The following MRTFA variants were observed in gnomAD, a reference collection of about 807,000 sequenced individuals.
The protein encoded by MRTFA is myocardin-related transcription factor A.
MRTFA carries 20 observed loss-of-function variants against 83.5 expected under a neutral mutation model. The ratio of observed to expected loss-of-function variants is 0.24; its 90% confidence interval spans 0.17 to 0.35. The LOEUF (loss-of-function observed/expected upper bound fraction) is 0.35, where lower values mean the gene tolerates loss of function less well. Among genes scored for constraint, MRTFA ranks in the 10% least tolerant of loss-of-function variants. The pLI is 1.00. For synonymous variants in MRTFA, 659 were observed against 541.2 expected, an observed-to-expected ratio of 1.22 and a Z score of -3.02; for missense variants, 1,200 against 1,224.7, an observed-to-expected ratio of 0.98 and a Z score of 0.30.
At chr22:40,615,076 C>T (rs181381758) in intron 1 of MRTFA, among the ~76,000 whole-genome samples, 1 of 151,932 alleles carries the variant, frequency 6.6e-6, no homozygotes, top group East Asian at 1.9e-4. Context: ...ATGTCAAGGT[C>T]TCAAAGATTT....
chr22:40,448,936 C>T (rs769257727), intron 4 of MRTFA, among the ~76,000 whole-genome samples: 1 of 152,178 alleles, frequency 6.6e-6, no homozygotes, highest in Non-Finnish European at 1.5e-5. Flanking sequence ...ACCCAGTCAT[C>T]TTATATGCAA....
chr22:40,472,339 T>A (rs771724515), intron 3 of MRTFA, among the ~76,000 whole-genome samples: 11 of 152,370 alleles, frequency 7.2e-5, no homozygotes, highest in Non-Finnish European at 1.5e-4. Flanking sequence ...TCCACCCATG[T>A]TCGTGATGCC....
chr22:40,635,569 C>A (rs966647819), intron 1 of MRTFA, among the ~76,000 whole-genome samples: 1 of 152,196 alleles, frequency 6.6e-6, no homozygotes, highest in African/African-American at 2.4e-5. Context: ...AACCATTCAA[C>A]TGCCCTTTCG....
chr22:40,505,625 G>GGC (rs2054567612), intron 3 of MRTFA, among the ~76,000 whole-genome samples: 1 of 152,200 alleles, frequency 6.6e-6, no homozygotes, highest in Admixed American at 6.5e-5. Context: ...AAGATGATTA[G>GGC]GCTATGAGGG....
intron 1 of MRTFA, among the ~76,000 whole-genome samples, chr22:40,603,562 C>T (rs1441797889): frequency 1.3e-5 from 2 of 152,050 alleles, no homozygotes; most frequent in South Asian, 2.1e-4. Context: ...ATTCACCAGC[C>T]GGCATCTACA....
At chr22:40,615,891 G>A (rs997432860) in intron 1 of MRTFA, among the ~76,000 whole-genome samples, 1 of 151,906 alleles carries the variant, frequency 6.6e-6, no homozygotes, top group Non-Finnish European at 1.5e-5. Flanking sequence ...CGCCACGTGG[G>A]CCAGGCTGGT....
At chr22:40,608,620 C>T (rs2056347661) in intron 1 of MRTFA, among the ~76,000 whole-genome samples, 2 of 152,128 alleles carry the variant, frequency 1.3e-5, no homozygotes, top group African/African-American at 4.8e-5. Context: ...CTGTTTGATG[C>T]CAAAGTCTTT....
At chr22:40,486,422 G>A (rs1485486898) in intron 3 of MRTFA, among the ~76,000 whole-genome samples, 2 of 152,160 alleles carry the variant, frequency 1.3e-5, no homozygotes, top group Admixed American at 1.3e-4. Context: ...GAAAGTTCCA[G>A]GCTGGTGACT....
At chr22:40,515,093 G>A (rs2054735387) in intron 3 of MRTFA, among the ~76,000 whole-genome samples, 1 of 151,518 alleles carries the variant, frequency 6.6e-6, no homozygotes, top group East Asian at 2.0e-4. Context: ...ATTTTTAGTA[G>A]AGACGAGGTT....
At chr22:40,543,262 AT>A (rs1409714809) in intron 3 of MRTFA, among the ~76,000 whole-genome samples, 2 of 152,070 alleles carry the variant, frequency 1.3e-5, no homozygotes, top group Non-Finnish European at 2.9e-5. Context: ...CCCACTCAAA[AT>A]TTTTACTTCT....
At chr22:40,542,254 CA>C (rs1351565476) in intron 3 of MRTFA, among the ~76,000 whole-genome samples, 2 of 152,172 alleles carry the variant, frequency 1.3e-5, no homozygotes, top group East Asian at 3.8e-4. Context: ...TTTCATTTGT[CA>C]AACCACTACT....
At chr22:40,592,456 TAAAAAA>T (rs1195055673) in intron 2 of MRTFA, among the ~76,000 whole-genome samples, 1 of 132,082 alleles carries the variant, frequency 7.6e-6, no homozygotes, top group Non-Finnish European at 1.6e-5. Flanking sequence ...TCTCTTAACT[TAAAAAA>T]AAAAAAAAAT....
At chr22:40,467,977 A>G (rs920908824) in intron 3 of MRTFA, among the ~76,000 whole-genome samples, 4 of 152,206 alleles carry the variant, frequency 2.6e-5, no homozygotes, top group African/African-American at 7.2e-5. Context: ...TGGAATAAAA[A>G]GAAAAGAAAC....
At chr22:40,601,688 T>C (rs1186942901) in intron 1 of MRTFA, among the ~76,000 whole-genome samples, 2 of 152,160 alleles carry the variant, frequency 1.3e-5, no homozygotes, top group African/African-American at 4.8e-5. Context: ...TGACTGGCCA[T>C]AACCTTTAAA....
At chr22:40,546,922 G>A (rs530311001) in intron 3 of MRTFA, among the ~76,000 whole-genome samples, 36 of 152,234 alleles carry the variant, frequency 2.4e-4, no homozygotes, top group African/African-American at 7.2e-4. Flanking sequence ...TTGGGAGGCC[G>A]AGGCGGGAGG....
chr22:40,599,164 G>T (rs971903184), intron 1 of MRTFA, among the ~76,000 whole-genome samples: 1 of 151,394 alleles, frequency 6.6e-6, no homozygotes, highest in Non-Finnish European at 1.5e-5. Flanking sequence ...TGGGCATAGT[G>T]GTGCATGCCT....
At chr22:40,454,654 C>T (rs775650879) in intron 4 of MRTFA, among the ~76,000 whole-genome samples, 1 of 152,114 alleles carries the variant, frequency 6.6e-6, no homozygotes, top group Non-Finnish European at 1.5e-5. Context: ...CTGTGAGTAA[C>T]CTTTAAGATG....
chr22:40,507,618 A>C (rs2054600294), intron 3 of MRTFA, among the ~76,000 whole-genome samples: 1 of 151,604 alleles, frequency 6.6e-6, no homozygotes, highest in Non-Finnish European at 1.5e-5. Context: ...CCCTCTCTGA[A>C]AGAAAAAAAA....
rs545380364 is a variant in MRTFA, at chr22:40,606,876, T to A, written c.-83-12141A>T. Among the ~76,000 whole-genome samples, 4 of 152,328 alleles carry A rather than the reference T, an allele frequency of 2.6e-5. No homozygotes were observed. In the South Asian group the frequency reaches 8.3e-4, roughly 32 times the overall value. On this transcript the variant is annotated intron_variant, in intron 1 of 14. Transcript: ENST00000355630. The stretch of plus-strand genomic sequence containing the variant: ...AATTTCTGGGGCTAGCAGCAGTGAC[T>A]TCCTAACAAAGGCTCTAGGGACTCA...
Sources: gnomAD v4.1 joint callset for allele counts (sites outside exome capture counted in the v4.1 genomes callset) on GRCh38, gnomAD v4.1.1 for gene constraint, MANE v1.5 for transcripts, NCBI Gene and HGNC (gene_info 2026-07-23, HGNC 2026-07-21) for gene names.